CRACDL: variants seen among roughly 807,000 people sequenced by gnomAD.
CRACDL encodes the protein CRACD like.
Under a neutral mutation model 70.6 loss-of-function variants are expected in CRACDL, and 26 were observed. The observed-to-expected ratio is 0.37, with a 90% CI of 0.27 to 0.51. CRACDL has a LOEUF of 0.51. Ranked by LOEUF, CRACDL falls within the 20% of genes least tolerant of loss-of-function variation. The pLI is 0.94. For missense variants in CRACDL, 1,283 were observed against 1,376.9 expected (o/e 0.93, Z 1.08); for synonymous variants, 618 against 615.2 (o/e 1.00, Z -0.07).
chr2:98,929,976 T>C (rs1165993409), intron 1 of CRACDL, among the ~76,000 whole-genome samples: 1 of 152,254 alleles, frequency 6.6e-6, no homozygotes, highest in East Asian at 1.9e-4. Flanking sequence ...GATACATTTG[T>C]ATGCACGGGA....
rs1322863388 is a variant in CRACDL, at chr2:98,797,363, G to A, written c.2591C>T (p.Pro864Leu). The A allele has an allele frequency of 2.5e-6, 4 of 1,614,108 alleles. No individual in the cohort carries two copies. Among genetic ancestry groups the A allele is most frequent in the Admixed American group, 1.7e-5 (1 of 60,020 alleles). The change falls in exon 8 of 10, where the codon CCC becomes CTC. Residue 864 changes from proline (P) to leucine (L), a missense_variant. Physicochemically the swap from Pro to Leu is moderately conservative, Grantham distance 98. Transcript: ENST00000397899. ...TGCTCTAAGCACCTGGCCTCTCTCG[G>A]GCACCTTGGCTTGCTTTCCTGGTTC... is the stretch of plus-strand genomic sequence containing the variant. ...KSEPGKQAKV[P>L]ERGQEPVKQA...
intron 7 of CRACDL, among the ~76,000 whole-genome samples, chr2:98,801,364 G>A (rs1704067973): frequency 1.3e-5 from 2 of 152,216 alleles, no homozygotes; most frequent in South Asian, 4.1e-4. Flanking sequence ...GAGCCTCTCA[G>A]CAGATAAGCT....
At chr2:98,865,784 A>C (rs994701451) in intron 1 of CRACDL, among the ~76,000 whole-genome samples, 1 of 151,366 alleles carries the variant, frequency 6.6e-6, no homozygotes, top group African/African-American at 2.4e-5. Flanking sequence ...TGAAGGTGTC[A>C]AGAGGACTTT....
At chr2:98,867,549 A>AT (rs1301601858) in intron 1 of CRACDL, among the ~76,000 whole-genome samples, 1 of 152,076 alleles carries the variant, frequency 6.6e-6, no homozygotes, top group Non-Finnish European at 1.5e-5. Flanking sequence ...TAAAAAAAAA[A>AT]CTATCAGAGA....
At chr2:98,896,432 A>C (rs1171211869) in intron 1 of CRACDL, among the ~76,000 whole-genome samples, 1 of 152,198 alleles carries the variant, frequency 6.6e-6, no homozygotes, top group African/African-American at 2.4e-5. Context: ...CTCAAAAGGA[A>C]ATAAATCCTG....
chr2:98,822,165 A>G lies in CRACDL; in HGVS notation c.2108T>C (p.Val703Ala). The G allele has an allele frequency of 9.3e-6, 15 of 1,608,246 alleles. No homozygotes were observed. Among genetic ancestry groups the G allele is most frequent in the Non-Finnish European group, 1.3e-5 (15 of 1,177,946 alleles). ...LKYRDGASQE[V>A]KGVKRYSAEV... ...GGCACTGTACCTCTTCACACCCTTC[A>G]CCTCCTGAGAGGCGCCATCCCTGTA... is the stretch of plus-strand genomic sequence containing the variant. Residue 703 changes from valine (V) to alanine (A), a missense_variant, in exon 7 of 10, where the codon GTG becomes GCG. Physicochemically the swap from Val to Ala is moderately conservative, Grantham distance 64. Transcript: ENST00000397899. The surrounding 1 kb of genome is among the most constrained non-coding windows in gnomAD (Gnocchi z 4.9).
Position 98,822,470 on chromosome 2 carries a change from C to T in CRACDL, c.1803G>A (p.Ala601=), listed in dbSNP as rs1179981393. 17 of 1,474,826 alleles carry T rather than the reference C, an allele frequency of 1.2e-5. No individual in the cohort carries two copies. Among genetic ancestry groups the T allele is most frequent in the Non-Finnish European group, 1.4e-5 (16 of 1,120,990 alleles). 91.4% of individuals were successfully genotyped at this position (1,474,826 alleles called of 1,614,324 possible). The stretch of plus-strand genomic sequence containing the variant: ...CGCTCCTCCAGACCGGGCCGCTCCT[C>T]GCGAGGGGCAGGCGGCCGCTGGCCC... ...LERASGRLPL[A]RSGPVWRSEA... is the part of the protein sequence containing the mutation. Residue 601 remains alanine, a synonymous_variant, in exon 7 of 10, where the codon GCG becomes GCA. Transcript: ENST00000397899. This position sits in a 1 kb window ranked among gnomAD's most constrained non-coding sequence, Gnocchi z 4.9.
intron 1 of CRACDL, among the ~76,000 whole-genome samples, chr2:98,917,365 G>T (rs1169460877): frequency 6.6e-6 from 1 of 152,188 alleles, no homozygotes; most frequent in Admixed American, 6.5e-5. Flanking sequence ...AGGATAAAGG[G>T]AGGAATTCTT....
chr2:98,798,078 G>A (rs75864619), intron 7 of CRACDL, among the ~76,000 whole-genome samples: 3,527 of 152,122 alleles, frequency 0.023, 131 homozygotes, highest in African/African-American at 0.08. Flanking sequence ...GTGCGGTGGC[G>A]CATGCCTGTA....
Position 98,822,222 on chromosome 2 carries a change from A to C in CRACDL, c.2051T>G (p.Val684Gly), listed in dbSNP as rs746096414. Residue 684 changes from valine to glycine, a missense_variant, in exon 7 of 10, where the codon GTC (valine) becomes GGC (glycine). This residue lies in a region of CRACDL where 921 missense variants were observed against 881.9 expected (regional missense o/e 1.04). Coordinates refer to ENST00000397899, the MANE Select transcript of CRACDL (RefSeq NM_207362.3). This position sits in a 1 kb window ranked among gnomAD's most constrained non-coding sequence, Gnocchi z 4.9. ...APSEDRNPFP[V>G]KLRSTSLSLK... ...CGAGAGGGAGGTGGACCGGAGCTTG[A>C]CGGGGAAGGGGTTTCTGTCCTCACT... The C allele has an allele frequency of 6.2e-7, 1 of 1,607,028 alleles. No homozygotes were observed.
chr2:98,907,404 C>T (rs1283339289), intron 1 of CRACDL, among the ~76,000 whole-genome samples: 2 of 152,172 alleles, frequency 1.3e-5, no homozygotes, highest in African/African-American at 4.8e-5. Flanking sequence ...ATGTCCTGGC[C>T]AGTAGTTGTT....
In CRACDL at chr2:98,881,605, C is replaced by G. The variant is rs564107882; in HGVS notation, c.-10-34795G>C. Among the ~76,000 whole-genome samples, 10 of 152,314 alleles carry G rather than the reference C, an allele frequency of 6.6e-5. No individual in the cohort carries two copies. In the East Asian group the frequency reaches 1.9e-3, roughly 29 times the overall value. On this transcript the variant is annotated intron_variant, in intron 1 of 9. Coordinates refer to ENST00000397899, the MANE Select transcript of CRACDL (RefSeq NM_207362.3). ...CCACGGTTCTAGAGGTGTATCAACA[C>G]CTTTGAGTGTGACCCTCGTGTCATC...
At chr2:98,867,166 T>C (rs1436904064) in intron 1 of CRACDL, among the ~76,000 whole-genome samples, 1 of 152,190 alleles carries the variant, frequency 6.6e-6, no homozygotes, top group Non-Finnish European at 1.5e-5. Context: ...CAACACTCAG[T>C]CAGCCATGAG....
chr2:98,917,365 G>C (rs1169460877), intron 1 of CRACDL, among the ~76,000 whole-genome samples: 1 of 152,188 alleles, frequency 6.6e-6, no homozygotes, highest in African/African-American at 2.4e-5. Context: ...AGGATAAAGG[G>C]AGGAATTCTT....
chr2:98,818,128 C>G (rs1704865914), intron 7 of CRACDL, among the ~76,000 whole-genome samples: 1 of 152,166 alleles, frequency 6.6e-6, no homozygotes, highest in African/African-American at 2.4e-5. Context: ...GCATAATGTT[C>G]TGCACAAATG....
chr2:98,888,077 C>G (rs554057839), intron 1 of CRACDL, among the ~76,000 whole-genome samples: 1 of 152,152 alleles, frequency 6.6e-6, no homozygotes, highest in East Asian at 1.9e-4. Flanking sequence ...TGAATTTCAC[C>G]TCAATTTTTA....
intron 1 of CRACDL, among the ~76,000 whole-genome samples, chr2:98,903,032 C>T (rs1031030076): frequency 6.6e-6 from 1 of 152,162 alleles, no homozygotes; most frequent in African/African-American, 2.4e-5. Flanking sequence ...ACTCTCCCAA[C>T]TGCACAGCAG....
chr2:98,870,482 G>GTGCAATTGGAGTC (rs11275239), intron 1 of CRACDL, among the ~76,000 whole-genome samples: 1 of 151,886 alleles, frequency 6.6e-6, no homozygotes, highest in Non-Finnish European at 1.5e-5. Flanking sequence ...TTTGCCCTTT[G>GTGCAATTGGAGTC]TGCAGCCCAC....
chr2:98,794,678 G>C lies in CRACDL; in HGVS notation c.2750-7C>G, dbSNP rs772847499. On this transcript the variant is annotated splice_region_variant and splice_polypyrimidine_tract_variant and intron_variant, in intron 9 of 9. Transcript: ENST00000397899. ...ATCATCACTGCAGACTGAGCTGCTT[G>C]GAAGGGAGACAAAACCAACAGAAAC... 1.9e-6 allele frequency: 3 copies of C among 1,603,052 alleles called. No homozygotes were observed. Among genetic ancestry groups the C allele is most frequent in the Non-Finnish European group, 2.6e-6 (3 of 1,172,720 alleles).
Sources: gnomAD v4.1 joint callset for allele counts (sites outside exome capture counted in the v4.1 genomes callset) on GRCh38, gnomAD v4.1.1 for gene constraint, gnomAD v4.1.1 regional missense constraint, Gnocchi (gnomAD v3.1) non-coding constraint, MANE v1.5 for transcripts, NCBI Gene and HGNC (gene_info 2026-07-23, HGNC 2026-07-21) for gene names.